SEMA6D: variants seen among roughly 807,000 people sequenced by gnomAD.
The protein encoded by SEMA6D is semaphorin-6D.
A neutral mutation model predicts 106.6 loss-of-function variants in SEMA6D; 35 were observed. That is an observed-to-expected ratio of 0.33 (90% CI 0.25 to 0.44). The LOEUF (loss-of-function observed/expected upper bound fraction) is 0.44. Ranked by LOEUF, SEMA6D falls within the 20% of genes least tolerant of loss-of-function variation. SEMA6D has a pLI of 1.00. For synonymous variants in SEMA6D, 499 were observed against 487.7 expected, an observed-to-expected ratio of 1.02 and a Z score of -0.31; for missense variants, 1,185 against 1,345.9, an observed-to-expected ratio of 0.88 and a Z score of 1.87.
chr15:47,641,705 CT>C (rs2077491665), intron 4 of SEMA6D, among the ~76,000 whole-genome samples: 1 of 152,152 alleles, frequency 6.6e-6, no homozygotes, highest in African/African-American at 2.4e-5. Flanking sequence ...CCATATTTGC[CT>C]TTACACCTCT....
chr15:47,757,421 T>C (rs2081816128), intron 1 of SEMA6D, among the ~76,000 whole-genome samples: 1 of 152,200 alleles, frequency 6.6e-6, no homozygotes, highest in Non-Finnish European at 1.5e-5. Context: ...TATACTTTTA[T>C]ACTACTTCAA....
intron 1 of SEMA6D, among the ~76,000 whole-genome samples, chr15:47,225,063 T>G (rs993459883): frequency 6.6e-6 from 1 of 151,940 alleles, no homozygotes; most frequent in Non-Finnish European, 1.5e-5. Context: ...ACATCAACCC[T>G]TAGTCTTACA....
At chr15:47,427,550 A>G (rs545678429) in intron 2 of SEMA6D, among the ~76,000 whole-genome samples, 5 of 152,286 alleles carry the variant, frequency 3.3e-5, no homozygotes, top group East Asian at 1.9e-4. Flanking sequence ...TATATCTTAA[A>G]TGAATTTATT....
In SEMA6D at chr15:47,457,549, C is replaced by T. The variant is rs74561159; in HGVS notation, c.-158-12925C>T. 8.6e-3 allele frequency among the ~76,000 whole-genome samples: 1,312 copies of T among 151,868 alleles called. 18 individuals carry two copies. Among genetic ancestry groups the T allele is most frequent in the African/African-American group, 0.03 (1,260 of 41,476 alleles). Reference sequence around the variant, plus strand: ...AACTTGTAGAGATAAAATATAACTGCCCAAGATTTAAAAATATGTAGGAAG... The same window carrying T: ...AACTTGTAGAGATAAAATATAACTGTCCAAGATTTAAAAATATGTAGGAAG... On this transcript the variant is annotated intron_variant, in intron 2 of 19. Transcript: ENST00000558014.
intron 1 of SEMA6D, among the ~76,000 whole-genome samples, chr15:47,319,351 A>G (rs913481679): frequency 8.6e-5 from 13 of 151,996 alleles, no homozygotes; most frequent in African/African-American, 3.1e-4. Context: ...GCCATTTTGT[A>G]TTCCTTGTAA....
chr15:47,765,136 G>A, intron 13 of SEMA6D, 80 bp downstream of exon 13: 1 of 1,545,314 alleles, frequency 6.5e-7, no homozygotes, highest in South Asian at 1.3e-5. Context: ...TGTCCTTTTG[G>A]TCCTCTAAAT....
intron 1 of SEMA6D, among the ~76,000 whole-genome samples, chr15:47,312,858 G>A (rs2036503739): frequency 6.6e-6 from 1 of 151,938 alleles, no homozygotes; most frequent in African/African-American, 2.4e-5. Context: ...TATACTTATA[G>A]CACATCTCAA....
intron 1 of SEMA6D, among the ~76,000 whole-genome samples, chr15:47,277,602 T>TATTATTATA (rs2034882217): frequency 3.0e-4 from 1 of 3,380 alleles, no homozygotes; most frequent in South Asian, 0.042. Flanking sequence ...TTATTATTAT[T>TATTATTATA]ATTATTATTA....
At chr15:47,352,055 G>A (rs541272156) in intron 1 of SEMA6D, among the ~76,000 whole-genome samples, 59 of 152,194 alleles carry the variant, frequency 3.9e-4, no homozygotes, top group African/African-American at 1.3e-3. Flanking sequence ...CACAGTCATC[G>A]TATATTGCAC....
intron 4 of SEMA6D, among the ~76,000 whole-genome samples, chr15:47,671,276 A>G (rs564343494): frequency 2.0e-5 from 3 of 152,344 alleles, no homozygotes; most frequent in African/African-American, 4.8e-5. Flanking sequence ...AGAGCTGTCA[A>G]AAGTGATCCA....
intron 3 of SEMA6D, among the ~76,000 whole-genome samples, chr15:47,551,764 G>A (rs1222908968): frequency 6.6e-6 from 1 of 150,656 alleles, no homozygotes; most frequent in African/African-American, 2.4e-5. Context: ...GTGACCAAAA[G>A]GACTTCAACC....
intron 1 of SEMA6D, among the ~76,000 whole-genome samples, chr15:47,227,538 CTCTTTCTCT>C (rs1242916504): frequency 2.4e-5 from 3 of 124,326 alleles, no homozygotes; most frequent in Non-Finnish European, 3.4e-5. Context: ...CCTCTTTCTC[CTCTTTCTCT>C]CTCTCTGTCT....
chr15:47,325,373 A>C (rs1046902478), intron 1 of SEMA6D, among the ~76,000 whole-genome samples: 8 of 152,032 alleles, frequency 5.3e-5, no homozygotes, highest in African/African-American at 1.9e-4. Flanking sequence ...AGGTTTGGTC[A>C]TGTTGGCCAG....
chr15:47,315,335 C>T (rs986820743), intron 1 of SEMA6D, among the ~76,000 whole-genome samples: 10 of 152,086 alleles, frequency 6.6e-5, no homozygotes, highest in African/African-American at 2.2e-4. Flanking sequence ...GTTTCAGCAC[C>T]GTTTGTTGAA....
At chr15:47,765,379 T>TACAC in intron 13 of SEMA6D, 1 of 1,123,380 alleles carries the variant, frequency 8.9e-7, no homozygotes, top group Non-Finnish European at 1.1e-6. Flanking sequence ...TGAGCTTGCA[T>TACAC]ACACACACAC....
intron 1 of SEMA6D, among the ~76,000 whole-genome samples, chr15:47,301,209 A>AACATT: frequency 6.6e-6 from 1 of 152,188 alleles, no homozygotes; most frequent in Non-Finnish European, 1.5e-5. Context: ...ACACAAATTG[A>AACATT]ACATTCAGTG....
chr15:47,520,115 T>A (rs1419669649), intron 3 of SEMA6D, among the ~76,000 whole-genome samples: 1 of 152,190 alleles, frequency 6.6e-6, no homozygotes, highest in Non-Finnish European at 1.5e-5. Flanking sequence ...TGTCTGGGCA[T>A]GTGCAGTTCT....
chr15:47,299,038 A>G (rs1474135445), intron 1 of SEMA6D, among the ~76,000 whole-genome samples: 1 of 152,148 alleles, frequency 6.6e-6, no homozygotes, highest in Non-Finnish European at 1.5e-5. Context: ...TAAGGAAGCA[A>G]AGAAGTCCGG....
intron 2 of SEMA6D, among the ~76,000 whole-genome samples, chr15:47,449,262 T>A (rs895019730): frequency 2.6e-5 from 4 of 152,108 alleles, no homozygotes; most frequent in Non-Finnish European, 5.9e-5. Context: ...GCTTAAGAGT[T>A]GAAAATAAAT....
Sources: allele counts gnomAD v4.1 joint callset (sites outside exome capture counted in the v4.1 genomes callset), GRCh38; gene constraint gnomAD v4.1.1; transcripts MANE v1.5; gene names NCBI Gene and HGNC (gene_info 2026-07-23, HGNC 2026-07-21).